The following ADGRA2 variants were observed in gnomAD, a reference collection of about 807,000 sequenced individuals.
ADGRA2 encodes the protein adhesion G protein-coupled receptor A2.
Under a neutral mutation model 98.7 loss-of-function variants are expected in ADGRA2, and 61 were observed. The ratio of observed to expected loss-of-function variants is 0.62; its 90% confidence interval spans 0.50 to 0.76. The LOEUF (loss-of-function observed/expected upper bound fraction) is 0.76, where lower values mean the gene tolerates loss of function less well. ADGRA2 is among the 30% of genes least tolerant of loss of function. ADGRA2 has a pLI of 0.00. For missense variants in ADGRA2, 1,712 were observed against 1,860.0 expected (o/e 0.92, Z 1.46); for synonymous variants, 858 against 831.5 (o/e 1.03, Z -0.55).
At chr8:37,831,347 T>G (rs559239437) in intron 7 of ADGRA2, 76 bp from the exon 8 acceptor site, 1 of 1,382,774 alleles carries the variant, frequency 7.2e-7, no homozygotes, top group East Asian at 2.3e-5. Context: ...GCTAGTGTTG[T>G]AGGACGGTGC....
chr8:37,815,100 C>A, intron 2 of ADGRA2, 133 bp downstream of exon 2: 1 of 681,744 alleles, frequency 1.5e-6, no homozygotes, highest in Non-Finnish European at 2.6e-6. Flanking sequence ...GGAGTTAGAC[C>A]CACTGGGACC....
In ADGRA2 at chr8:37,844,807, C is replaced by T; in HGVS notation, c.*2452C>T. 6.2e-7 allele frequency: 1 copy of T among 1,614,176 alleles called. No homozygotes were observed. Among genetic ancestry groups the T allele is most frequent in the South Asian group, 1.1e-5 (1 of 91,086 alleles). ...TCTCGGGTCTCCACTTCTGCTGTCC[C>T]ATCCCGAAAGGCAGAGCGGACCAGT... On this transcript the variant is annotated 3_prime_UTR_variant, in exon 19 of 19. Transcript: ENST00000412232.
chr8:37,839,664 A>G (rs1805732463), intron 16 of ADGRA2, 42 bp downstream of exon 16: 1 of 1,608,288 alleles, frequency 6.2e-7, no homozygotes, highest in South Asian at 1.1e-5. Context: ...CTCCGAGATG[A>G]GTGCTGGCAC....
chr8:37,837,667 C>G, intron 13 of ADGRA2, 64 bp from the exon 14 acceptor site: 1 of 1,377,262 alleles, frequency 7.3e-7, no homozygotes, highest in Non-Finnish European at 1.0e-6. Flanking sequence ...CTGCTGAGTC[C>G]CGGCTGAGCC....
Position 37,841,848 on chromosome 8 carries a change from C to T in ADGRA2, c.3510C>T (p.His1170=), listed in dbSNP as rs975065679. The T allele has an allele frequency of 6.5e-7, 1 of 1,532,710 alleles. No individual in the cohort carries two copies. Among genetic ancestry groups the T allele is most frequent in the Non-Finnish European group, 8.7e-7 (1 of 1,145,598 alleles). 94.9% of individuals were successfully genotyped at this position (1,532,710 alleles called of 1,614,324 possible). A position where few individuals can be genotyped will look rare whatever the true frequency, so the allele number is the denominator to read the frequency against. Residue 1170 remains histidine, a synonymous_variant, in exon 19 of 19, where the codon CAC becomes CAT. Transcript: ENST00000412232. The surrounding 1 kb of genome is among the most constrained non-coding windows in gnomAD (Gnocchi z 5.0). ...EPAGTRGNLA[H]RHPNNVHHGR... ...CGGGCACCCGGGGAAACCTCGCCCA[C>T]CGCCACCCCAACAACGTGCACCACG...
At chr8:37,829,402 C>T (rs1805388271) in intron 4 of ADGRA2, 70 bp downstream of exon 4, 1 of 1,536,840 alleles carries the variant, frequency 6.5e-7, no homozygotes, top group African/African-American at 1.4e-5. Context: ...AATGTGGCCC[C>T]CAACCCTTCC....
Position 37,797,497 on chromosome 8 carries a change from C to T in ADGRA2, c.229C>T (p.Pro77Ser). Residue 77 changes from proline (P) to serine (S), a missense_variant, in exon 1 of 19, where the codon CCC (proline) becomes TCC (serine). Coordinates refer to ENST00000412232, the MANE Select transcript of ADGRA2 (RefSeq NM_032777.10). The surrounding 1 kb of genome is among the most constrained non-coding windows in gnomAD (Gnocchi z 5.3). ...VCSGGDLPEP[P>S]EPGLLPNGTV... ...CAGCGGCGGGGACCTCCCGGAGCCT[C>T]CCGAGCCCGGCCTTCTGCCTAACGG... 1 of 1,406,236 alleles carries T rather than the reference C, an allele frequency of 7.1e-7. No individual in the cohort carries two copies. The highest frequency in any genetic ancestry group is 9.3e-7 in the Non-Finnish European group (1 of 1,076,486). 87.1% of individuals were successfully genotyped at this position (1,406,236 alleles called of 1,614,324 possible).
In ADGRA2 at chr8:37,812,156, T is replaced by A. The variant is rs62490685; in HGVS notation, c.267-2740T>A. ...AAAATGACATGCACTTGCAATGGTGTTGTTGTTGTTGTTGTTGTTGTTGTT... is the reference window on the plus strand; with the variant it reads ...AAAATGACATGCACTTGCAATGGTGATGTTGTTGTTGTTGTTGTTGTTGTT... On this transcript the variant is annotated intron_variant, in intron 1 of 18. Coordinates refer to ENST00000412232, the MANE Select transcript of ADGRA2 (RefSeq NM_032777.10). Among the ~76,000 whole-genome samples, 453 of 113,038 alleles carry A rather than the reference T, an allele frequency of 4.0e-3. 5 individuals carry two copies. The highest frequency in any genetic ancestry group is 0.021 in the African/African-American group (429 of 20,884). The allele number at this position is 113,038 out of a possible 152,430, so 74.2% of individuals were successfully genotyped here.
chr8:37,801,657 G>A (rs1455361647), intron 1 of ADGRA2, among the ~76,000 whole-genome samples: 2 of 152,184 alleles, frequency 1.3e-5, no homozygotes, highest in Non-Finnish European at 2.9e-5. Flanking sequence ...ATTCCCAGAC[G>A]GCCTGGGCTC....
chr8:37,832,349 T>TC (rs1805483193), intron 8 of ADGRA2, among the ~76,000 whole-genome samples: 1 of 151,986 alleles, frequency 6.6e-6, no homozygotes, highest in Admixed American at 6.6e-5. Context: ...CACTGCGACT[T>TC]TTTTTTAGAC....
intron 13 of ADGRA2, among the ~76,000 whole-genome samples, chr8:37,836,097 A>ACACACACACACACCCC (rs1245868623): frequency 3.7e-5 from 4 of 108,636 alleles, no homozygotes; most frequent in African/African-American, 1.1e-4. Context: ...ACACACACAC[A>ACACACACACACACCCC]CCCCACAGGC....
chr8:37,820,389 T>C (rs895377466), intron 2 of ADGRA2, among the ~76,000 whole-genome samples: 3 of 152,224 alleles, frequency 2.0e-5, no homozygotes, highest in African/African-American at 7.2e-5. Flanking sequence ...TTCTAATTCA[T>C]CTGTCCCATG....
rs776758784 is a variant in ADGRA2 at position 37,841,166 on chromosome 8, T to G, written c.2828T>G (p.Phe943Cys). 10 of 1,612,840 alleles carry G rather than the reference T, an allele frequency of 6.2e-6. No homozygotes were observed. The highest frequency in any genetic ancestry group is 8.5e-6 in the Non-Finnish European group (10 of 1,179,980). ...ATTCTGCTCATCACCTGGATCTATT[T>G]CCTGTGCGCCGGGCTACGCTTACGG... ...ALILLITWIYFLCAGLRLRGP... is the reference protein window; with the variant it reads ...ALILLITWIYCLCAGLRLRGP... The change falls in exon 19 of 19, where the codon TTC (phenylalanine) becomes TGC (cysteine). Residue 943 changes from phenylalanine (F) to cysteine (C), a missense_variant. Coordinates refer to ENST00000412232, the MANE Select transcript of ADGRA2 (RefSeq NM_032777.10). This position sits in a 1 kb window ranked among gnomAD's most constrained non-coding sequence, Gnocchi z 5.0.
rs999023591 is a variant in ADGRA2, at chr8:37,841,900, A to G, written c.3562A>G (p.Lys1188Glu). 4 of 1,532,956 alleles carry G rather than the reference A, an allele frequency of 2.6e-6. No individual in the cohort carries two copies. Among genetic ancestry groups the G allele is most frequent in the Non-Finnish European group, 3.5e-6 (4 of 1,146,374 alleles). The allele number at this position is 1,532,956 out of a possible 1,614,324, so 95.0% of individuals were successfully genotyped here. A position where few individuals can be genotyped will look rare whatever the true frequency, so the allele number is the denominator to read the frequency against. ...GCGTCGGGCGCACAAGAGCCGGGCC[A>G]AGGGACACCGCGCGGGGGAGGCCTG... ...HGRRAHKSRA[K>E]GHRAGEACGK... The change falls in exon 19 of 19, where the codon AAG becomes GAG. Residue 1188 changes from lysine (K) to glutamate (E), a missense_variant. Lys to Glu is a moderately conservative substitution (Grantham distance 56). Transcript: ENST00000412232. The surrounding 1 kb of genome is among the most constrained non-coding windows in gnomAD (Gnocchi z 5.0).
At position 37,838,964 on chromosome 8, in the gene ADGRA2, C is replaced by A. The variant is rs752796811; in HGVS notation, c.2268C>A (p.Ser756Arg). The change falls in exon 15 of 19, where the codon AGC becomes AGA. Residue 756 changes from serine (S) to arginine (R), a missense_variant. Coordinates refer to ENST00000412232, the MANE Select transcript of ADGRA2 (RefSeq NM_032777.10). ...TTCCTGCCCTTTCCCAGGAGCTGAG[C>A]GCCTTTCCCAGGGAGGTGGGGGGCG... ...LGNVAVLMEL[S>R]AFPREVGGAG... 7.0e-6 allele frequency: 11 copies of A among 1,568,622 alleles called. No individual in the cohort carries two copies. In the South Asian group the frequency reaches 8.4e-5, roughly 12 times the overall value.
chr8:37,828,313 G>A (rs539997132), intron 2 of ADGRA2, among the ~76,000 whole-genome samples: 1 of 152,198 alleles, frequency 6.6e-6, no homozygotes, highest in Non-Finnish European at 1.5e-5. Context: ...CCGGAGGTGG[G>A]GCAGGGTGGG....
At chr8:37,816,680 G>T (rs1804991551) in intron 2 of ADGRA2, among the ~76,000 whole-genome samples, 1 of 146,704 alleles carries the variant, frequency 6.8e-6, no homozygotes, top group Admixed American at 6.9e-5. Context: ...TACTTTGGGA[G>T]GCCAAAGTGG....
In ADGRA2 at chr8:37,839,866, G is replaced by GTCCATTT. The variant is rs1259368575; in HGVS notation, c.2511+245_2511+246insCCATTTT. On this transcript the variant is annotated intron_variant, in intron 16 of 18. Transcript: ENST00000412232. ...AAAGTGGAAATGGAGACGTGCAGTGGTGGGGAGGTGGGGGATCAGCCAGAT... is the reference window on the plus strand; with the variant it reads ...AAAGTGGAAATGGAGACGTGCAGTGGTCCATTTTGGGGAGGTGGGGGATCAGCCAGAT... Among the ~76,000 whole-genome samples, 278 of 152,276 alleles carry GTCCATTT rather than the reference G, an allele frequency of 1.8e-3. 1 individual carries two copies. The highest frequency in any genetic ancestry group is 5.9e-3 in the African/African-American group (246 of 41,554).
intron 7 of ADGRA2, 103 bp downstream of exon 7, chr8:37,831,026 G>A: frequency 1.3e-6 from 1 of 793,764 alleles, no homozygotes; most frequent in Non-Finnish European, 2.0e-6. Context: ...GTGTTCCCGG[G>A]AGACTGTGCT....
Sources: gnomAD v4.1 joint callset for allele counts (sites outside exome capture counted in the v4.1 genomes callset) on GRCh38, gnomAD v4.1.1 for gene constraint, Gnocchi (gnomAD v3.1) non-coding constraint, MANE v1.5 for transcripts, NCBI Gene and HGNC (gene_info 2026-07-23, HGNC 2026-07-21) for gene names.